The following KCNMA1 variants were observed in gnomAD, a reference collection of about 807,000 sequenced individuals.
KCNMA1 encodes the protein potassium calcium-activated channel subfamily M alpha 1, also known as Calcium-activated potassium channel subunit alpha-1.
Under a neutral mutation model 140.0 loss-of-function variants are expected in KCNMA1, and 29 were observed. That is an observed-to-expected ratio of 0.21 (90% confidence interval 0.15 to 0.28). The LOEUF (loss-of-function observed/expected upper bound fraction) is 0.28. Ranked by LOEUF, KCNMA1 falls within the 10% of genes least tolerant of loss-of-function variation. KCNMA1 has a pLI of 1.00. For synonymous variants in KCNMA1, 612 were observed against 611.9 expected (o/e 1.00, Z 0.00); for missense variants, 880 against 1,602.2 (o/e 0.55, Z 7.70).
intron 3 of KCNMA1, 182 bp downstream of exon 3, chr10:77,251,013 C>G (rs900951142): frequency 6.3e-6 from 4 of 634,714 alleles, no homozygotes; most frequent in Non-Finnish European, 1.1e-5. Flanking sequence ...TCAAAATAGC[C>G]TTCCTTCTGA....
At chr10:77,236,398 G>A (rs1194741955) in intron 3 of KCNMA1, among the ~76,000 whole-genome samples, 1 of 152,196 alleles carries the variant, frequency 6.6e-6, no homozygotes, top group African/African-American at 2.4e-5. Context: ...ACCTGAAGGT[G>A]ACTTGGGGAA....
chr10:77,425,554 A>C (rs1443961310), intron 1 of KCNMA1, among the ~76,000 whole-genome samples: 5 of 152,120 alleles, frequency 3.3e-5, no homozygotes, highest in Non-Finnish European at 7.4e-5. Flanking sequence ...GCCATCAGTC[A>C]ACCACCAATC....
chr10:77,436,906 A>G (rs936109313), intron 1 of KCNMA1, among the ~76,000 whole-genome samples: 1 of 151,946 alleles, frequency 6.6e-6, no homozygotes, highest in Non-Finnish European at 1.5e-5. Flanking sequence ...CAGGCTAGCA[A>G]GGGAGGGGAT....
chr10:77,628,970 G>C (rs1420858655), intron 1 of KCNMA1, among the ~76,000 whole-genome samples: 1 of 152,212 alleles, frequency 6.6e-6, no homozygotes, highest in Non-Finnish European at 1.5e-5. Context: ...CACTGGATCT[G>C]AGTCCCCAAG....
intron 2 of KCNMA1, among the ~76,000 whole-genome samples, chr10:77,290,452 C>A (rs2072793580): frequency 6.6e-6 from 1 of 152,188 alleles, no homozygotes; most frequent in Non-Finnish European, 1.5e-5. Context: ...CCTGGGGTCC[C>A]CACCACTCCT....
At chr10:77,279,132 C>A (rs573346570) in intron 2 of KCNMA1, among the ~76,000 whole-genome samples, 35 of 152,198 alleles carry the variant, frequency 2.3e-4, no homozygotes, top group African/African-American at 8.4e-4. Flanking sequence ...CATTAAGCTT[C>A]GACAAGACCA....
chr10:77,181,041 C>T (rs2098798766), intron 5 of KCNMA1, among the ~76,000 whole-genome samples: 2 of 152,298 alleles, frequency 1.3e-5, no homozygotes, highest in South Asian at 2.1e-4. Context: ...CACACTTTTA[C>T]CGGGGGCATG....
intron 29 of KCNMA1, among the ~76,000 whole-genome samples, chr10:76,879,861 GT>G (rs1392696729): frequency 6.6e-6 from 1 of 152,234 alleles, no homozygotes; most frequent in Non-Finnish European, 1.5e-5. Context: ...TGGTTATCAT[GT>G]TTTAAAAGCT....
At chr10:77,514,936 C>T (rs765294908) in intron 1 of KCNMA1, among the ~76,000 whole-genome samples, 55 of 152,118 alleles carry the variant, frequency 3.6e-4, no homozygotes, top group Admixed American at 5.9e-4. Context: ...CAGCCTAGGG[C>T]CCTGCCCACC....
At chr10:77,069,421 C>G (rs2096095659) in intron 14 of KCNMA1, among the ~76,000 whole-genome samples, 1 of 152,128 alleles carries the variant, frequency 6.6e-6, no homozygotes, top group Non-Finnish European at 1.5e-5. Context: ...GAGTCTCTTT[C>G]CTAAAGGTAT....
chr10:77,064,047 G>C (rs1029633967), intron 14 of KCNMA1: 6 of 985,302 alleles, frequency 6.1e-6, no homozygotes, highest in Non-Finnish European at 7.2e-6. Flanking sequence ...GCTGGGCACC[G>C]GACTCTGTGT....
intron 1 of KCNMA1, among the ~76,000 whole-genome samples, chr10:77,448,780 AATTTG>A (rs1372300665): frequency 1.3e-5 from 2 of 152,156 alleles, no homozygotes; most frequent in Admixed American, 1.3e-4. Context: ...AATGTATCTT[AATTTG>A]ATGTAACAAA....
intron 25 of KCNMA1, among the ~76,000 whole-genome samples, chr10:76,898,491 C>T (rs1043519821): frequency 6.6e-6 from 1 of 151,102 alleles, no homozygotes; most frequent in Non-Finnish European, 1.5e-5. Context: ...TGTATTTTTA[C>T]TAAACTTTGT....
At chr10:76,959,790 G>A (rs2070221689) in intron 20 of KCNMA1, among the ~76,000 whole-genome samples, 1 of 152,212 alleles carries the variant, frequency 6.6e-6, no homozygotes, top group Admixed American at 6.5e-5. Context: ...TAGCTGCCAT[G>A]AGTCCAACAC....
intron 1 of KCNMA1, among the ~76,000 whole-genome samples, chr10:77,466,808 C>G (rs117773780): frequency 0.012 from 1,896 of 151,948 alleles, 22 homozygotes; most frequent in Admixed American, 0.027. Flanking sequence ...CTTGCCTGTT[C>G]TGTCACGTGG....
intron 13 of KCNMA1, among the ~76,000 whole-genome samples, chr10:77,076,984 G>A (rs1320653094): frequency 2.0e-5 from 3 of 152,038 alleles, no homozygotes; most frequent in Non-Finnish European, 4.4e-5. Context: ...AAAGCAAATT[G>A]TAATGCATGG....
Position 77,084,545 on chromosome 10 carries a change from CAT to C in KCNMA1, c.1523+90_1523+91del, listed in dbSNP as rs1340519343. The C allele has an allele frequency of 1.9e-5, 19 of 984,848 alleles. 1 individual carries two copies. The highest frequency in any genetic ancestry group is 3.0e-5 in the Non-Finnish European group (19 of 630,094). 61.0% of individuals were successfully genotyped at this position (984,848 alleles called of 1,614,324 possible). A position where few individuals can be genotyped will look rare whatever the true frequency, so the allele number is the denominator to read the frequency against. On this transcript the variant is annotated intron_variant, in intron 12 of 27. Coordinates refer to ENST00000286628, the MANE Select transcript of KCNMA1 (RefSeq NM_001161352.2). ...AGTGGCTTGTGGGGCAAAAAGGCCT[CAT>C]AGAGATAGTCCTCTGCAGAAGATCC...
At chr10:77,189,970 T>C (rs7914901) in intron 3 of KCNMA1, among the ~76,000 whole-genome samples, 47,241 of 152,086 alleles carry the variant, frequency 0.31, 7,809 homozygotes, top group Non-Finnish European at 0.35. Flanking sequence ...CTAAACTCAT[T>C]CTACATCTCT....
chr10:77,344,287 G>A (rs955269929), intron 2 of KCNMA1, among the ~76,000 whole-genome samples: 5 of 152,188 alleles, frequency 3.3e-5, no homozygotes, highest in East Asian at 1.9e-4. Context: ...GTAAGCCATC[G>A]ACAAGCAGGG....
Sources: allele counts gnomAD v4.1 joint callset (sites outside exome capture counted in the v4.1 genomes callset), GRCh38; gene constraint gnomAD v4.1.1; transcripts MANE v1.5; gene names NCBI Gene and HGNC (gene_info 2026-07-23, HGNC 2026-07-21).